The following DMXL1 variants were observed in gnomAD, a reference collection of about 807,000 sequenced individuals.
The protein encoded by DMXL1 is dmX-like protein 1.
In DMXL1, 99 loss-of-function variants were observed where a neutral mutation model predicts 319.2. That is an observed-to-expected ratio of 0.31 (90% CI 0.26 to 0.37). DMXL1 has a LOEUF of 0.37. DMXL1 is among the 10% of genes least tolerant of loss of function. The pLI, the probability that DMXL1 is intolerant of heterozygous loss-of-function variation, is 1.00. For missense variants in DMXL1, 3,745 were observed against 3,595.6 expected (o/e 1.04, Z -1.06); for synonymous variants, 1,385 against 1,235.2 (o/e 1.12, Z -2.54).
chr5:119,113,842 A>T (rs1397525223), intron 5 of DMXL1, among the ~76,000 whole-genome samples: 2 of 152,226 alleles, frequency 1.3e-5, no homozygotes, highest in Non-Finnish European at 2.9e-5. Flanking sequence ...GGATATCTTT[A>T]TAAATAAATT....
At chr5:119,201,217 C>A (rs938751960) in intron 32 of DMXL1, among the ~76,000 whole-genome samples, 8 of 152,060 alleles carry the variant, frequency 5.3e-5, no homozygotes, top group Non-Finnish European at 1.0e-4. Context: ...TCATAGATGG[C>A]TCTTACTATT....
intron 1 of DMXL1, among the ~76,000 whole-genome samples, chr5:119,082,452 T>A (rs1752455983): frequency 6.6e-6 from 1 of 151,940 alleles, no homozygotes; most frequent in African/African-American, 2.4e-5. Context: ...TTTTTAAAAT[T>A]TTTTGTAGAG....
intron 1 of DMXL1, among the ~76,000 whole-genome samples, chr5:119,086,211 GA>G (rs1753325049): frequency 1.3e-5 from 2 of 152,150 alleles, no homozygotes; most frequent in African/African-American, 2.4e-5. Flanking sequence ...GATCTCGTGA[GA>G]CTTATTCACT....
chr5:119,151,122 T>G (rs1200096905), intron 18 of DMXL1, among the ~76,000 whole-genome samples: 1 of 152,158 alleles, frequency 6.6e-6, no homozygotes, highest in East Asian at 1.9e-4. Flanking sequence ...CTATTAACAA[T>G]TATAATTTGG....
intron 5 of DMXL1, among the ~76,000 whole-genome samples, chr5:119,110,849 A>G (rs1434071644): frequency 2.0e-5 from 3 of 152,188 alleles, no homozygotes; most frequent in Admixed American, 6.5e-5. Flanking sequence ...CTGGAGTGCA[A>G]TGATGTGAGG....
In DMXL1 at chr5:119,179,052, C is replaced by G. The variant is rs182435491; in HGVS notation, c.7135+808C>G. On this transcript the variant is annotated intron_variant, in intron 28 of 43. Transcript: ENST00000539542. ...CTTTATGATTTGCATATTATGATTC[C>G]GGCCATTGGAGTTTTTGGATTTCTA... 6.6e-5 allele frequency among the ~76,000 whole-genome samples: 10 copies of G among 152,036 alleles called. No individual in the cohort carries two copies. The East Asian group carries it at 1.7e-3, about 26-fold the overall frequency.
chr5:119,227,028 C>T (rs543258564), intron 38 of DMXL1, among the ~76,000 whole-genome samples: 20 of 152,226 alleles, frequency 1.3e-4, no homozygotes, highest in African/African-American at 4.6e-4. Context: ...AGCTCCCTTT[C>T]CCACCCTTTT....
intron 32 of DMXL1, among the ~76,000 whole-genome samples, chr5:119,199,623 C>G (rs190137827): frequency 4.2e-4 from 64 of 152,272 alleles, no homozygotes; most frequent in Non-Finnish European, 8.1e-4. Flanking sequence ...CTGTTTTTAG[C>G]TCTTTGAGGA....
At chr5:119,186,369 C>G (rs1055675309) in intron 28 of DMXL1, among the ~76,000 whole-genome samples, 2 of 152,070 alleles carry the variant, frequency 1.3e-5, no homozygotes, top group African/African-American at 4.8e-5. Context: ...CTCCTGGGCT[C>G]AAGTGATCCT....
chr5:119,167,154 TA>T (rs1773596076), intron 22 of DMXL1, among the ~76,000 whole-genome samples: 1 of 152,104 alleles, frequency 6.6e-6, no homozygotes, highest in Non-Finnish European at 1.5e-5. Context: ...TAGTAAACCT[TA>T]AAAAAATTAT....
intron 19 of DMXL1, among the ~76,000 whole-genome samples, chr5:119,153,820 C>A (rs1561741603): frequency 6.6e-6 from 1 of 152,208 alleles, no homozygotes; most frequent in Non-Finnish European, 1.5e-5. Context: ...TGCTAGGTTG[C>A]ATTTTGCAAA....
intron 1 of DMXL1, among the ~76,000 whole-genome samples, chr5:119,093,550 T>G (rs1755271095): frequency 6.6e-6 from 1 of 152,198 alleles, no homozygotes. Context: ...TGAGACACAA[T>G]GATATAGAAA....
chr5:119,124,580 T>C (rs1052354828), intron 9 of DMXL1, among the ~76,000 whole-genome samples: 1 of 148,960 alleles, frequency 6.7e-6, no homozygotes, highest in Non-Finnish European at 1.5e-5. Flanking sequence ...TTTTTTTTTT[T>C]TTTTGAGACA....
At chr5:119,101,149 A>C (rs900734349) in intron 2 of DMXL1, among the ~76,000 whole-genome samples, 1 of 152,120 alleles carries the variant, frequency 6.6e-6, no homozygotes, top group Non-Finnish European at 1.5e-5. Flanking sequence ...AATCCCACCC[A>C]TAATTAAAGG....
At chr5:119,129,044 G>A (rs947198550) in intron 9 of DMXL1, among the ~76,000 whole-genome samples, 167 bp from the exon 10 acceptor site, 1 of 151,984 alleles carries the variant, frequency 6.6e-6, no homozygotes, top group Non-Finnish European at 1.5e-5. Context: ...GCAACAGAGC[G>A]AAACTCTGTC....
At chr5:119,196,517 T>G (rs952653601) in intron 31 of DMXL1, 61 bp downstream of exon 31, 272 of 607,606 alleles carry the variant, frequency 4.5e-4, no homozygotes, top group African/African-American at 3.3e-3. Flanking sequence ...ACTCTGTTGT[T>G]TTTTTTTTTT....
rs558713631 is a variant in DMXL1, at chr5:119,094,336, C to T, written c.88-3643C>T. On this transcript the variant is annotated intron_variant, in intron 1 of 43. Coordinates refer to ENST00000539542, the MANE Select transcript of DMXL1 (RefSeq NM_001290321.3). ...CTTTAAGAATTATGCTAAACCTAGT[C>T]TGCCTGTGCTCTACAAGTGGAACAA... Among the ~76,000 whole-genome samples, 7 of 152,322 alleles carry T rather than the reference C, an allele frequency of 4.6e-5. No individual in the cohort carries two copies. The South Asian group carries it at 1.4e-3, about 32-fold the overall frequency.
chr5:119,200,844 G>A (rs1195195303), intron 32 of DMXL1, among the ~76,000 whole-genome samples: 1 of 152,050 alleles, frequency 6.6e-6, no homozygotes, highest in African/African-American at 2.4e-5. Context: ...GAATGGGGCT[G>A]CCTTCCTGAT....
intron 1 of DMXL1, among the ~76,000 whole-genome samples, chr5:119,073,783 CTTGACTCT>C (rs769955955): frequency 5.9e-5 from 9 of 152,092 alleles, no homozygotes; most frequent in Admixed American, 1.3e-4. Context: ...CCTGTTCATC[CTTGACTCT>C]TTAAGTTGCT....
Sources: gnomAD v4.1 joint callset for allele counts (sites outside exome capture counted in the v4.1 genomes callset) on GRCh38, gnomAD v4.1.1 for gene constraint, MANE v1.5 for transcripts, NCBI Gene and HGNC (gene_info 2026-07-23, HGNC 2026-07-21) for gene names.